The following MED4 variants were observed in gnomAD, a reference collection of about 807,000 sequenced individuals.
MED4 encodes the protein mediator complex subunit 4.
In MED4, 21 loss-of-function variants were observed where a neutral mutation model predicts 35.0. That is an observed-to-expected ratio of 0.60 (90% CI 0.43 to 0.86). The LOEUF is 0.86. Among genes scored for constraint, MED4 ranks in the 40% least tolerant of loss-of-function variants. The pLI, the probability that MED4 is intolerant of heterozygous loss-of-function variation, is 0.00. For missense variants in MED4, 300 were observed against 319.4 expected, an observed-to-expected ratio of 0.94 and a Z score of 0.46; for synonymous variants, 138 against 114.0, an observed-to-expected ratio of 1.21 and a Z score of -1.34.
intron 1 of MED4, chr13:48,093,463 T>C (rs1210261531): frequency 3.0e-6 from 1 of 329,536 alleles, no homozygotes; most frequent in Non-Finnish European, 6.5e-6. Flanking sequence ...ATTTTTCTTC[T>C]CATTTTCATA....
intron 1 of MED4, among the ~76,000 whole-genome samples, chr13:48,094,243 G>A (rs1375899463): frequency 6.6e-6 from 1 of 152,148 alleles, no homozygotes; most frequent in African/African-American, 2.4e-5. Context: ...AAATTGGAGC[G>A]ACACTTTAGG....
chr13:48,079,977 TAA>T lies in MED4; in HGVS notation c.509-4_509-3del. 2.5e-6 allele frequency: 4 copies of T among 1,612,260 alleles called. No individual in the cohort carries two copies. Among genetic ancestry groups the T allele is most frequent in the Non-Finnish European group, 3.4e-6 (4 of 1,178,960 alleles). On this transcript the variant is annotated splice_region_variant and splice_polypyrimidine_tract_variant and intron_variant, in intron 5 of 6. Transcript: ENST00000258648. ...TTGGGTAGGGTCTCCGGGGGTCCCC[TAA>T]AACAATAAAGACTGCATTTAATTCA...
chr13:48,093,540 A>G (rs1297578908), intron 1 of MED4: 4 of 463,438 alleles, frequency 8.6e-6, no homozygotes, highest in African/African-American at 2.0e-5. Flanking sequence ...ATCAGTACAC[A>G]TAACTACCTC....
chr13:48,077,352 G>A lies in MED4; in HGVS notation c.641-41C>T. On this transcript the variant is annotated intron_variant, in intron 6 of 6. Coordinates refer to ENST00000258648, the MANE Select transcript of MED4 (RefSeq NM_014166.4). ...AGCATAGATAAGAACAGCTCTATCT[G>A]TAATTAATCTAGTTCTTACTTTTCC... The A allele has an allele frequency of 2.2e-6, 3 of 1,355,730 alleles. No individual in the cohort carries two copies. In the Admixed American group the frequency reaches 8.4e-5, roughly 38 times the overall value. 84.0% of individuals were successfully genotyped at this position (1,355,730 alleles called of 1,614,324 possible).
At chr13:48,089,525 GAGTTCAAGAC>G (rs1376977107) in intron 2 of MED4, among the ~76,000 whole-genome samples, 4 of 152,050 alleles carry the variant, frequency 2.6e-5, no homozygotes, top group African/African-American at 4.8e-5. Flanking sequence ...TTGAGGACAG[GAGTTCAAGAC>G]AGTTCAAGAC....
At chr13:48,092,270 G>A (rs1950895049) in intron 1 of MED4, among the ~76,000 whole-genome samples, 1 of 151,228 alleles carries the variant, frequency 6.6e-6, no homozygotes, top group African/African-American at 2.5e-5. Flanking sequence ...ACCACGCCCG[G>A]CTAATTTTGT....
intron 4 of MED4, among the ~76,000 whole-genome samples, chr13:48,082,782 G>A (rs560153149): frequency 4.6e-5 from 7 of 151,658 alleles, no homozygotes; most frequent in African/African-American, 9.7e-5. Flanking sequence ...CGCCGAGATC[G>A]CGCCACTGCA....
chr13:48,090,582 T>C (rs1398918219), intron 1 of MED4, among the ~76,000 whole-genome samples, 164 bp from the exon 2 acceptor site: 15 of 152,222 alleles, frequency 9.9e-5, no homozygotes, highest in Admixed American at 9.8e-4. Context: ...ACTATCATTA[T>C]ATAAATAGCT....
In MED4 at chr13:48,083,409, G is replaced by A. The variant is rs763902922; in HGVS notation, c.383C>T (p.Ala128Val). ...EQILATAVYQ[A>V]KEKLKSIEKA... ...TTCTATTGACTTGAGTTTCTCCTTC[G>A]CTTGGTAAACAGCTGTTGCCTAATT... The change falls in exon 4 of 7, where the codon GCG becomes GTG. Residue 128 changes from alanine to valine, a missense_variant. Ala to Val is a moderately conservative substitution (Grantham distance 64, BLOSUM62 0). Coordinates refer to ENST00000258648, the MANE Select transcript of MED4 (RefSeq NM_014166.4). The A allele has an allele frequency of 1.2e-6, 2 of 1,612,018 alleles. No individual in the cohort carries two copies. The highest frequency in any genetic ancestry group is 4.5e-5 in the East Asian group (2 of 44,690).
At chr13:48,091,967 A>G (rs1043102393) in intron 1 of MED4, among the ~76,000 whole-genome samples, 3 of 152,206 alleles carry the variant, frequency 2.0e-5, no homozygotes, top group African/African-American at 7.2e-5. Flanking sequence ...TCAGTGCCCC[A>G]AAGATGGAGC....
At chr13:48,090,083 T>C (rs1027067323) in intron 2 of MED4, among the ~76,000 whole-genome samples, 9 of 152,136 alleles carry the variant, frequency 5.9e-5, no homozygotes, top group African/African-American at 9.7e-5. Context: ...CAAAAATAAA[T>C]AAACATGTAA....
intron 1 of MED4, among the ~76,000 whole-genome samples, chr13:48,093,129 T>A (rs1950901837): frequency 6.6e-6 from 1 of 152,164 alleles, no homozygotes. Context: ...AAATAAAATT[T>A]CCATAGCGGT....
intron 1 of MED4, among the ~76,000 whole-genome samples, chr13:48,092,520 C>T (rs762646960): frequency 6.6e-6 from 1 of 152,158 alleles, no homozygotes; most frequent in Non-Finnish European, 1.5e-5. Flanking sequence ...GGTAAATAGA[C>T]TGTAAGAGGG....
intron 5 of MED4, among the ~76,000 whole-genome samples, chr13:48,081,118 CT>C (rs1193161943): frequency 6.6e-6 from 1 of 152,238 alleles, no homozygotes; most frequent in Non-Finnish European, 1.5e-5. Flanking sequence ...AGGCTGCTAC[CT>C]TACGTCTCCT....
At chr13:48,082,178 T>A (rs944774936) in intron 4 of MED4, among the ~76,000 whole-genome samples, 2 of 150,934 alleles carry the variant, frequency 1.3e-5, no homozygotes, top group Non-Finnish European at 3.0e-5. Flanking sequence ...TACAATGTAT[T>A]CATTAGGTAA....
intron 6 of MED4, chr13:48,077,558 G>A (rs574784983): frequency 5.4e-4 from 148 of 272,550 alleles, no homozygotes; most frequent in Non-Finnish European, 9.3e-4. Context: ...TTACAGGTAT[G>A]TGCCACCATG....
Position 48,079,850 on chromosome 13 carries a change from A to G in MED4, c.634T>C (p.Leu212=). ...CTCTTCGGCTTAACATTACCTGGCA[A>G]TCTTCCTGCTGCAAGTGCATCTCCT... The part of the protein sequence containing the change: ...LPGDALAAGR[L]PDVLAPQYPW... The change falls in exon 6 of 7, where the codon TTG becomes CTG. Residue 212 remains leucine (L), a synonymous_variant. Coordinates refer to ENST00000258648, the MANE Select transcript of MED4 (RefSeq NM_014166.4). 1 of 1,613,560 alleles carries G rather than the reference A, an allele frequency of 6.2e-7. No individual in the cohort carries two copies. The highest frequency in any genetic ancestry group is 8.5e-7 in the Non-Finnish European group (1 of 1,179,664).
chr13:48,089,121 T>C (rs1379903069), intron 2 of MED4, among the ~76,000 whole-genome samples: 1 of 152,220 alleles, frequency 6.6e-6, no homozygotes, highest in Admixed American at 6.5e-5. Context: ...CCCACGGGTA[T>C]TAACAGAGTA....
At position 48,086,422 on chromosome 13, in the gene MED4, C is replaced by T. The variant is rs1950849255; in HGVS notation, c.223G>A (p.Glu75Lys). The T allele has an allele frequency of 6.2e-7, 1 of 1,613,444 alleles. No homozygotes were observed. The highest frequency in any genetic ancestry group is 1.7e-5 in the Admixed American group (1 of 59,966). Residue 75 changes from glutamate to lysine, a missense_variant, in exon 3 of 7, where the codon GAA (glutamate) becomes AAA (lysine). Coordinates refer to ENST00000258648, the MANE Select transcript of MED4 (RefSeq NM_014166.4). ...VLELLIHRDGEFQELMKLALN... is the reference protein window; with the variant it reads ...VLELLIHRDGKFQELMKLALN... ...GCCAATTTCATTAGTTCTTGAAATT[C>T]CCCATCTCGGTGAATTAACAACTCC...
Sources: gnomAD v4.1 joint callset for allele counts (sites outside exome capture counted in the v4.1 genomes callset) on GRCh38, gnomAD v4.1.1 for gene constraint, MANE v1.5 for transcripts, NCBI Gene and HGNC (gene_info 2026-07-23, HGNC 2026-07-21) for gene names.